Variants in PBX1 observed in about 807,000 individuals in gnomAD.
PBX1 encodes PBX homeobox 1.
PBX1 carries 6 observed loss-of-function variants against 53.4 expected under a neutral mutation model. The observed-to-expected ratio is 0.11, with a 90% confidence interval of 0.06 to 0.22. The LOEUF is 0.22. Ranked by LOEUF, PBX1 falls within the 10% of genes least tolerant of loss-of-function variation. PBX1 has a pLI of 1.00. For synonymous variants in PBX1, 204 were observed against 212.3 expected (o/e 0.96, Z 0.34); for missense variants, 251 against 551.4 (o/e 0.46, Z 5.46).
intron 2 of PBX1, among the ~76,000 whole-genome samples, chr1:164,870,647 A>G (rs1214015785): frequency 6.6e-6 from 1 of 152,190 alleles, no homozygotes; most frequent in Non-Finnish European, 1.5e-5. Context: ...CCAGGCCTCT[A>G]CTGACTTTAG....
At chr1:164,879,200 A>C (rs1475037942) in intron 2 of PBX1, among the ~76,000 whole-genome samples, 1 of 150,020 alleles carries the variant, frequency 6.7e-6, no homozygotes, top group Non-Finnish European at 1.5e-5. Flanking sequence ...GAGGGAGAAA[A>C]ATTTTAATTC....
chr1:164,706,056 T>TA (rs1009936644), intron 2 of PBX1, among the ~76,000 whole-genome samples: 2 of 152,124 alleles, frequency 1.3e-5, no homozygotes, highest in Admixed American at 1.3e-4. Context: ...ATGGTTGATA[T>TA]AAAAAAAATC....
At chr1:164,700,138 C>T (rs528470681) in intron 2 of PBX1, among the ~76,000 whole-genome samples, 1 of 152,188 alleles carries the variant, frequency 6.6e-6, no homozygotes, top group Non-Finnish European at 1.5e-5. Context: ...ATGCTGATTT[C>T]CCTTTGTGGG....
At chr1:164,687,656 C>CTACA (rs1296654729) in intron 2 of PBX1, among the ~76,000 whole-genome samples, 2 of 151,106 alleles carry the variant, frequency 1.3e-5, no homozygotes, top group Non-Finnish European at 2.9e-5. Flanking sequence ...GCTTATGTGG[C>CTACA]TACAGGGATT....
intron 2 of PBX1, among the ~76,000 whole-genome samples, chr1:164,792,069 C>A (rs1242863769): frequency 1.3e-5 from 2 of 152,114 alleles, no homozygotes; most frequent in Admixed American, 1.3e-4. Flanking sequence ...GTGATCAACC[C>A]CCCACTCAGC....
intron 2 of PBX1, among the ~76,000 whole-genome samples, chr1:164,698,032 G>A (rs1470763090): frequency 1.3e-5 from 2 of 152,138 alleles, no homozygotes; most frequent in Admixed American, 1.3e-4. Context: ...TGTGGTAAGC[G>A]ACTTGGATTT....
At chr1:164,647,705 T>C (rs1659539977) in intron 2 of PBX1, among the ~76,000 whole-genome samples, 2 of 152,094 alleles carry the variant, frequency 1.3e-5, no homozygotes, top group Admixed American at 1.3e-4. Context: ...TAAAATCACC[T>C]GGGGAACTTT....
chr1:164,590,936 C>G (rs1655329737), intron 2 of PBX1, among the ~76,000 whole-genome samples: 1 of 152,102 alleles, frequency 6.6e-6, no homozygotes, highest in South Asian at 2.1e-4. Flanking sequence ...CCTCCGCTTC[C>G]TGGGCTCAAG....
intron 2 of PBX1, among the ~76,000 whole-genome samples, chr1:164,720,089 A>G (rs184455215): frequency 6.6e-6 from 1 of 152,338 alleles, no homozygotes; most frequent in Admixed American, 6.5e-5. Flanking sequence ...ACTAATTTGT[A>G]TCGAATGCAA....
At chr1:164,779,229 C>T (rs1455570337) in intron 2 of PBX1, among the ~76,000 whole-genome samples, 1 of 151,834 alleles carries the variant, frequency 6.6e-6, no homozygotes, top group Non-Finnish European at 1.5e-5. Flanking sequence ...CATACCTGTT[C>T]TAGCAATTTC....
intron 2 of PBX1, among the ~76,000 whole-genome samples, chr1:164,709,409 A>C (rs1293775548): frequency 1.3e-5 from 2 of 152,316 alleles, no homozygotes; most frequent in Admixed American, 6.5e-5. Flanking sequence ...AAACAAAAAT[A>C]GAAAAAGGGG....
At chr1:164,592,998 C>T (rs1446024874) in intron 2 of PBX1, among the ~76,000 whole-genome samples, 1 of 151,532 alleles carries the variant, frequency 6.6e-6, no homozygotes, top group African/African-American at 2.4e-5. Context: ...TGCTCTGTAG[C>T]CCAGGCTGGA....
At chr1:164,834,497 C>A (rs962428628) in intron 8 of PBX1, among the ~76,000 whole-genome samples, 1 of 152,032 alleles carries the variant, frequency 6.6e-6, no homozygotes, top group African/African-American at 2.4e-5. Flanking sequence ...GCATGCCCCA[C>A]CACGCCTGGC....
At chr1:164,831,787 T>C (rs1370885061) in intron 8 of PBX1, among the ~76,000 whole-genome samples, 2 of 152,214 alleles carry the variant, frequency 1.3e-5, no homozygotes, top group African/African-American at 4.8e-5. Context: ...GGGCACATAG[T>C]TGTCCACAGA....
chr1:164,797,459 T>G (rs2102313658), intron 3 of PBX1, among the ~76,000 whole-genome samples: 1 of 152,306 alleles, frequency 6.6e-6, no homozygotes, highest in African/African-American at 2.4e-5. Context: ...TTCCTTCTCT[T>G]GGTTGTACAG....
intron 2 of PBX1, among the ~76,000 whole-genome samples, chr1:164,568,352 C>G (rs985318226): frequency 6.6e-6 from 1 of 151,770 alleles, no homozygotes; most frequent in African/African-American, 2.4e-5. Flanking sequence ...AAAAAGTTTA[C>G]CAAAGCACCA....
intron 2 of PBX1, among the ~76,000 whole-genome samples, chr1:164,702,382 A>T (rs1201859397): frequency 3.3e-5 from 5 of 152,062 alleles, no homozygotes; most frequent in African/African-American, 1.2e-4. Context: ...CATTGTATTG[A>T]CTCAGCCTTA....
chr1:164,731,413 G>T (rs578176573), intron 2 of PBX1, among the ~76,000 whole-genome samples: 3 of 152,204 alleles, frequency 2.0e-5, no homozygotes, highest in Admixed American at 1.3e-4. Context: ...AGGGAGCGGG[G>T]GAAACATAAA....
chr1:164,663,685 TTGC>T (rs1660646306), intron 2 of PBX1, among the ~76,000 whole-genome samples: 1 of 152,264 alleles, frequency 6.6e-6, no homozygotes, highest in African/African-American at 2.4e-5. Flanking sequence ...CCTCAATGTA[TTGC>T]TCTTGGTATG....
Sources: gnomAD v4.1 joint callset for allele counts (sites outside exome capture counted in the v4.1 genomes callset) on GRCh38, gnomAD v4.1.1 for gene constraint, MANE v1.5 for transcripts, NCBI Gene and HGNC (gene_info 2026-07-23, HGNC 2026-07-21) for gene names.